Variants in DYM observed in about 807,000 individuals in gnomAD.
DYM encodes dymeclin.
A neutral mutation model predicts 93.1 loss-of-function variants in DYM; 78 were observed. The ratio of observed to expected loss-of-function variants is 0.84; its 90% confidence interval spans 0.70 to 1.01. The LOEUF is 1.01. Among genes scored for constraint, DYM ranks in the 50% least tolerant of loss-of-function variants. DYM has a pLI of 0.00. For synonymous variants in DYM, 321 were observed against 319.7 expected (o/e 1.00, Z -0.04); for missense variants, 789 against 845.0 (o/e 0.93, Z 0.82).
intron 2 of DYM, among the ~76,000 whole-genome samples, chr18:49,406,914 CA>C (rs2071560919): frequency 6.6e-6 from 1 of 152,204 alleles, no homozygotes; most frequent in Non-Finnish European, 1.5e-5. Context: ...CAACTTTATT[CA>C]TTACAGCCAA....
chr18:49,221,205 G>A (rs1255494878), intron 13 of DYM, among the ~76,000 whole-genome samples: 1 of 152,024 alleles, frequency 6.6e-6, no homozygotes, highest in Non-Finnish European at 1.5e-5. Context: ...ACCACAATGA[G>A]ATACCATCTC....
At chr18:49,180,417 C>T (rs960268121) in intron 14 of DYM, among the ~76,000 whole-genome samples, 30 of 152,188 alleles carry the variant, frequency 2.0e-4, no homozygotes, top group Admixed American at 1.2e-3. Flanking sequence ...AAAGTGAACA[C>T]CTTTCTCAAT....
intron 2 of DYM, among the ~76,000 whole-genome samples, chr18:49,407,121 C>T (rs2071589708): frequency 2.0e-5 from 3 of 152,104 alleles, no homozygotes; most frequent in Admixed American, 6.6e-5. Flanking sequence ...TGTAAAATTC[C>T]ATTTACATAA....
chr18:49,052,086 T>C (rs932217598), intron 17 of DYM, among the ~76,000 whole-genome samples: 3 of 152,216 alleles, frequency 2.0e-5, no homozygotes, highest in African/African-American at 7.2e-5. Flanking sequence ...TTTATGCATG[T>C]TCTCCAGGAC....
At chr18:49,073,591 G>A (rs2077066647) in intron 17 of DYM, among the ~76,000 whole-genome samples, 1 of 152,178 alleles carries the variant, frequency 6.6e-6, no homozygotes, top group Non-Finnish European at 1.5e-5. Flanking sequence ...TCAAGAGGCT[G>A]GCAGCCTTGG....
intron 16 of DYM, among the ~76,000 whole-genome samples, chr18:49,098,485 G>C (rs541828536): frequency 2.0e-5 from 3 of 152,284 alleles, no homozygotes; most frequent in South Asian, 4.1e-4. Context: ...GCCACTAAAT[G>C]CATTTGTTCT....
chr18:49,329,800 A>G (rs2063182228), intron 8 of DYM: 1 of 152,258 alleles, frequency 6.6e-6, no homozygotes, highest in Non-Finnish European at 1.5e-5. Context: ...TTCAATCCCA[A>G]CAAAAATGAA....
intron 5 of DYM, among the ~76,000 whole-genome samples, chr18:49,368,998 C>T (rs1252001593): frequency 6.6e-6 from 1 of 152,244 alleles, no homozygotes; most frequent in Non-Finnish European, 1.5e-5. Flanking sequence ...CAGCGTGAGG[C>T]CAATGCTGAC....
intron 13 of DYM, among the ~76,000 whole-genome samples, chr18:49,220,651 G>A (rs1446863092): frequency 1.3e-5 from 2 of 152,118 alleles, no homozygotes; most frequent in Admixed American, 6.6e-5. Flanking sequence ...ACAATCAATG[G>A]GGAAAGGATT....
chr18:49,186,498 C>T (rs1223906490), intron 14 of DYM, among the ~76,000 whole-genome samples: 1 of 152,126 alleles, frequency 6.6e-6, no homozygotes, highest in Non-Finnish European at 1.5e-5. Context: ...ACGCTTGGAA[C>T]AAACCTATTA....
rs80167394 is a variant in DYM at position 49,132,136 on chromosome 18, G to T, written c.1729-13210C>A. Among the ~76,000 whole-genome samples, 467 of 152,220 alleles carry T rather than the reference G, an allele frequency of 3.1e-3. 16 individuals carry two copies. In the East Asian group the frequency reaches 0.078, roughly 25 times the overall value. ...AGATGTGATAATGATATGTGATTAT[G>T]AAAGAAAATGTTATTATTTTTAGAG... On this transcript the variant is annotated intron_variant, in intron 15 of 17. Coordinates refer to ENST00000675505, the MANE Select transcript of DYM (RefSeq NM_001353214.3).
intron 15 of DYM, among the ~76,000 whole-genome samples, chr18:49,130,469 T>C (rs2083281991): frequency 6.6e-6 from 1 of 152,242 alleles, no homozygotes; most frequent in Admixed American, 6.5e-5. Flanking sequence ...CCTGAGTCCA[T>C]AAGTCCATAT....
At chr18:49,071,129 T>A (rs1408311773) in intron 17 of DYM, among the ~76,000 whole-genome samples, 1 of 152,246 alleles carries the variant, frequency 6.6e-6, no homozygotes, top group Non-Finnish European at 1.5e-5. Context: ...GCCTACCTGC[T>A]TTTATTTTTC....
At chr18:49,127,348 C>T (rs949551357) in intron 15 of DYM, among the ~76,000 whole-genome samples, 1 of 152,158 alleles carries the variant, frequency 6.6e-6, no homozygotes, top group African/African-American at 2.4e-5. Flanking sequence ...GAGAAGTTGG[C>T]CATTGTGGGA....
At chr18:49,234,306 A>C (rs747470656) in intron 13 of DYM, among the ~76,000 whole-genome samples, 1 of 151,970 alleles carries the variant, frequency 6.6e-6, no homozygotes, top group Non-Finnish European at 1.5e-5. Context: ...AATAGAAAAA[A>C]ATTAGTTGGG....
chr18:49,383,014 G>A (rs2068204035), intron 3 of DYM, among the ~76,000 whole-genome samples: 1 of 152,140 alleles, frequency 6.6e-6, no homozygotes, highest in South Asian at 2.1e-4. Flanking sequence ...AGAGGAGAGA[G>A]GACAAGATGA....
Position 49,453,010 on chromosome 18 carries a change from T to A in DYM, c.-54+7388A>T, listed in dbSNP as rs1411145840. Among the ~76,000 whole-genome samples the A allele has an allele frequency of 5.3e-5, 7 of 132,144 alleles. 2 individuals carry two copies. The highest frequency in any genetic ancestry group is 5.2e-4 in the Admixed American group (7 of 13,558). The allele number at this position is 132,144 out of a possible 152,430, so 86.7% of individuals were successfully genotyped here. A position where few individuals can be genotyped will look rare whatever the true frequency, so the allele number is the denominator to read the frequency against. ...ATCTGGTGGGGACTTGGAGAATCTT[T>A]ATGTCTAGCTAAGGGATTGTAAATA... On this transcript the variant is annotated intron_variant, in intron 1 of 17. Coordinates refer to ENST00000675505, the MANE Select transcript of DYM (RefSeq NM_001353214.3).
intron 2 of DYM, among the ~76,000 whole-genome samples, chr18:49,419,008 GT>G (rs1568411222): frequency 6.6e-6 from 1 of 152,142 alleles, no homozygotes; most frequent in Non-Finnish European, 1.5e-5. Flanking sequence ...TTACTTTACA[GT>G]TTTTTCACTT....
intron 2 of DYM, among the ~76,000 whole-genome samples, chr18:49,392,605 C>T (rs1029428487): frequency 8.3e-5 from 12 of 145,204 alleles, no homozygotes; most frequent in Admixed American, 2.1e-4. Context: ...AAAACATGCT[C>T]AACATCACTA....
Sources: allele counts gnomAD v4.1 joint callset (sites outside exome capture counted in the v4.1 genomes callset), GRCh38; gene constraint gnomAD v4.1.1; transcripts MANE v1.5; gene names NCBI Gene and HGNC (gene_info 2026-07-23, HGNC 2026-07-21).